Variants in MEGF10 observed in about 807,000 individuals in gnomAD.
The protein encoded by MEGF10 is multiple EGF like domains 10.
Under a neutral mutation model 147.5 loss-of-function variants are expected in MEGF10, and 86 were observed. The observed-to-expected ratio is 0.58, with a 90% CI of 0.49 to 0.70. The LOEUF (loss-of-function observed/expected upper bound fraction) is 0.70, where lower values mean the gene tolerates loss of function less well. MEGF10 is among the 30% of genes least tolerant of loss of function. The pLI, the probability that MEGF10 is intolerant of heterozygous loss-of-function variation, is 0.00. For missense variants in MEGF10, 1,329 were observed against 1,487.3 expected (o/e 0.89, Z 1.75); for synonymous variants, 478 against 525.5 (o/e 0.91, Z 1.24).
the MEGF10 span, among the ~76,000 whole-genome samples, chr5:127,250,830 CAT>C: frequency 1.3e-5 from 2 of 151,446 alleles, no homozygotes; most frequent in African/African-American, 2.4e-5. Flanking sequence ...ACAAAATTAA[CAT>C]AGAAAAAAAT....
chr5:127,349,071 A>T (rs1761997431), intron 4 of MEGF10, among the ~76,000 whole-genome samples: 1 of 152,190 alleles, frequency 6.6e-6, no homozygotes, highest in African/African-American at 2.4e-5. Flanking sequence ...TTTAAAATCA[A>T]TTATTCCAGT....
intron 4 of MEGF10, among the ~76,000 whole-genome samples, chr5:127,359,027 T>G (rs944181440): frequency 2.0e-5 from 3 of 151,878 alleles, no homozygotes; most frequent in African/African-American, 7.3e-5. Context: ...TGGGATCCAT[T>G]ACAACAGACT....
chr5:127,440,608 T>G, intron 17 of MEGF10, 131 bp from the exon 18 acceptor site: 1 of 898,898 alleles, frequency 1.1e-6, no homozygotes. Context: ...AGCTCAGATA[T>G]GTACTATTCA....
At chr5:127,371,996 A>C (rs982905658) in intron 5 of MEGF10, among the ~76,000 whole-genome samples, 4 of 152,236 alleles carry the variant, frequency 2.6e-5, no homozygotes, top group East Asian at 1.9e-4. Context: ...AGGTCTTGCT[A>C]TCTGGGTTTT....
chr5:127,326,864 A>G (rs1039297504), intron 1 of MEGF10, among the ~76,000 whole-genome samples: 2 of 152,342 alleles, frequency 1.3e-5, no homozygotes, highest in Non-Finnish European at 2.9e-5. Flanking sequence ...CTATGTGTGC[A>G]CTTAATTGAT....
At chr5:127,412,685 C>A (rs1561630789) in intron 9 of MEGF10, among the ~76,000 whole-genome samples, 2 of 151,144 alleles carry the variant, frequency 1.3e-5, no homozygotes, top group African/African-American at 4.9e-5. Flanking sequence ...CATTAAAAAA[C>A]AAACAAACAA....
At chr5:127,260,163 A>AAAT in the MEGF10 span, among the ~76,000 whole-genome samples, 8 of 152,140 alleles carry the variant, frequency 5.3e-5, no homozygotes, top group Admixed American at 3.9e-4. Flanking sequence ...TCTCAAAAAT[A>AAAT]AATAAATAAA....
the MEGF10 span, among the ~76,000 whole-genome samples, chr5:127,272,443 G>GT: frequency 3.3e-5 from 5 of 152,064 alleles, no homozygotes; most frequent in East Asian, 5.8e-4. Context: ...TTTTAAAATA[G>GT]TTTTTTTCCA....
intron 16 of MEGF10, among the ~76,000 whole-genome samples, chr5:127,436,707 A>G (rs966311914): frequency 6.6e-6 from 1 of 152,238 alleles, no homozygotes; most frequent in Non-Finnish European, 1.5e-5. Flanking sequence ...ACAACTATGA[A>G]TGGAGACTAT....
rs886059879 is a variant in MEGF10 at position 127,460,987 on chromosome 5, C to G, written c.*3669C>G. The G allele has an allele frequency of 6.6e-6, 1 of 152,106 alleles. No individual in the cohort carries two copies. The highest frequency in any genetic ancestry group is 1.9e-4 in the East Asian group (1 of 5,196). The allele number at this position is 152,106 out of a possible 1,614,324, so 9.4% of individuals were successfully genotyped here. On this transcript the variant is annotated 3_prime_UTR_variant, in exon 25 of 25. Transcript: ENST00000503335. The stretch of plus-strand genomic sequence containing the variant: ...AACACTGGGTCTGCTTATGCTAGTT[C>G]AGTATTTGGTCTAGGCTTCATTTTG...
At chr5:127,415,154 G>T (rs1449752032) in intron 9 of MEGF10, among the ~76,000 whole-genome samples, 1 of 152,170 alleles carries the variant, frequency 6.6e-6, no homozygotes, top group Non-Finnish European at 1.5e-5. Flanking sequence ...AATGATGAAA[G>T]AAGAGGTTGA....
At chr5:127,424,363 T>G (rs560226338) in intron 13 of MEGF10, 2 of 737,086 alleles carry the variant, frequency 2.7e-6, no homozygotes, top group East Asian at 5.3e-5. Context: ...TTCTGGGTCC[T>G]TGAATTTCCA....
intron 1 of MEGF10, among the ~76,000 whole-genome samples, chr5:127,296,596 T>A (rs1022916535): frequency 6.6e-6 from 1 of 152,228 alleles, no homozygotes; most frequent in Non-Finnish European, 1.5e-5. Flanking sequence ...CTGACCCAGA[T>A]GAGCTGTACA....
chr5:127,393,148 C>T (rs899021876), intron 5 of MEGF10, among the ~76,000 whole-genome samples: 3 of 152,166 alleles, frequency 2.0e-5, no homozygotes, highest in African/African-American at 7.2e-5. Flanking sequence ...GAATAGCCAA[C>T]CAGTCACTTT....
At chr5:127,411,697 T>C (rs6873921) in intron 9 of MEGF10, among the ~76,000 whole-genome samples, 2,803 of 152,346 alleles carry the variant, frequency 0.018, 55 homozygotes, top group South Asian at 0.078. Flanking sequence ...AATATTGCCT[T>C]TCTTTACTTG....
At chr5:127,400,011 TAG>T (rs373153614) in intron 7 of MEGF10, among the ~76,000 whole-genome samples, 1 of 152,246 alleles carries the variant, frequency 6.6e-6, no homozygotes, top group African/African-American at 2.4e-5. Context: ...ATGCCCAAGC[TAG>T]AGTCTCCACA....
At chr5:127,407,934 G>GCAA (rs1327023880) in intron 8 of MEGF10, among the ~76,000 whole-genome samples, 1 of 152,156 alleles carries the variant, frequency 6.6e-6, no homozygotes, top group East Asian at 1.9e-4. Context: ...TCCTACAAGT[G>GCAA]CAACATTGAC....
chr5:127,414,617 A>G (rs894023317), intron 9 of MEGF10, among the ~76,000 whole-genome samples: 1 of 152,176 alleles, frequency 6.6e-6, no homozygotes, highest in Non-Finnish European at 1.5e-5. Flanking sequence ...ATAATTTAAC[A>G]TTGTTCAGTG....
At chr5:127,302,305 A>T in intron 1 of MEGF10, among the ~76,000 whole-genome samples, 1 of 149,610 alleles carries the variant, frequency 6.7e-6, no homozygotes, top group Non-Finnish European at 1.5e-5. Context: ...GAAATGAAGT[A>T]TGTATGATAC....
Sources: gnomAD v4.1 joint callset for allele counts (sites outside exome capture counted in the v4.1 genomes callset) on GRCh38, gnomAD v4.1.1 for gene constraint, MANE v1.5 for transcripts, NCBI Gene and HGNC (gene_info 2026-07-23, HGNC 2026-07-21) for gene names.